Variants in PDE4D observed in about 807,000 individuals in gnomAD.
PDE4D encodes the protein 3',5'-cyclic-AMP phosphodiesterase 4D.
Under a neutral mutation model 87.4 loss-of-function variants are expected in PDE4D, and 24 were observed. The ratio of observed to expected loss-of-function variants is 0.27; its 90% CI spans 0.20 to 0.39. The LOEUF is 0.39. PDE4D is among the 10% of genes least tolerant of loss of function. The pLI, the probability that PDE4D is intolerant of heterozygous loss-of-function variation, is 1.00. For synonymous variants in PDE4D, 384 were observed against 383.2 expected (o/e 1.00, Z -0.02); for missense variants, 714 against 1,041.0 (o/e 0.69, Z 4.32).
chr5:59,131,371 A>G (rs13186012), intron 5 of PDE4D, among the ~76,000 whole-genome samples: 25,451 of 152,028 alleles, frequency 0.17, 2,192 homozygotes, highest in African/African-American at 0.19. Flanking sequence ...ACTGATACAC[A>G]AGTACTAGTG....
Position 60,087,137 on chromosome 5 carries a change from A to G in PDE4D, c.42+98420T>C, listed in dbSNP as rs180898178. On this transcript the variant is annotated intron_variant, in intron 2 of 16. Transcript: ENST00000502484. ...CACTATAAAACATCCCCAGAGTGGGAAACAATGGCAGGGCAACAAGTTAGT... is the reference window on the plus strand; with the variant it reads ...CACTATAAAACATCCCCAGAGTGGGGAACAATGGCAGGGCAACAAGTTAGT... Among the ~76,000 whole-genome samples the G allele has an allele frequency of 2.4e-3, 365 of 152,368 alleles. 2 individuals carry two copies. Among genetic ancestry groups the G allele is most frequent in the African/African-American group, 8.1e-3 (336 of 41,584 alleles).
intron 1 of PDE4D, among the ~76,000 whole-genome samples, chr5:59,359,581 C>T (rs938013957): frequency 1.3e-5 from 2 of 151,972 alleles, no homozygotes; most frequent in African/African-American, 2.4e-5. Flanking sequence ...ATTTCACAGA[C>T]ATGAGAATTT....
intron 1 of PDE4D, among the ~76,000 whole-genome samples, chr5:59,769,074 C>T (rs1359640901): frequency 1.4e-5 from 2 of 145,870 alleles, no homozygotes; most frequent in Non-Finnish European, 3.1e-5. Flanking sequence ...GTTTTTTTCT[C>T]TCTTTTTTTT....
intron 1 of PDE4D, among the ~76,000 whole-genome samples, chr5:59,728,458 C>T (rs1209175499): frequency 6.6e-6 from 1 of 152,034 alleles, no homozygotes; most frequent in Non-Finnish European, 1.5e-5. Flanking sequence ...CCTTTTCTCT[C>T]CTTTCAAGTT....
intron 3 of PDE4D, among the ~76,000 whole-genome samples, chr5:59,936,324 C>T (rs1756575301): frequency 6.6e-6 from 1 of 151,854 alleles, no homozygotes; most frequent in East Asian, 1.9e-4. Flanking sequence ...AACTAACCTG[C>T]ATGTTGTGCA....
chr5:60,374,279 A>C (rs1451373174), intron 1 of PDE4D, among the ~76,000 whole-genome samples: 2 of 152,098 alleles, frequency 1.3e-5, no homozygotes, highest in Non-Finnish European at 2.9e-5. Context: ...ACTTTTTGCC[A>C]TCTCTCTCCC....
At chr5:59,188,552 A>T (rs1743447629) in intron 3 of PDE4D, among the ~76,000 whole-genome samples, 1 of 151,242 alleles carries the variant, frequency 6.6e-6, no homozygotes, top group South Asian at 2.1e-4. Flanking sequence ...ATCATAGCCT[A>T]AAAAAAAAGA....
At chr5:59,791,246 C>T (rs1412504867) in intron 1 of PDE4D, among the ~76,000 whole-genome samples, 1 of 152,172 alleles carries the variant, frequency 6.6e-6, no homozygotes, top group African/African-American at 2.4e-5. Flanking sequence ...ATATGTTGTC[C>T]TTGGATGGAG....
intron 1 of PDE4D, among the ~76,000 whole-genome samples, chr5:60,480,457 C>T (rs1360051831): frequency 6.6e-6 from 1 of 151,918 alleles, no homozygotes; most frequent in Non-Finnish European, 1.5e-5. Flanking sequence ...TATTGTTATC[C>T]CATTTTCCAG....
chr5:60,506,708 G>A (rs1043685828), intron 1 of PDE4D, among the ~76,000 whole-genome samples: 5 of 152,040 alleles, frequency 3.3e-5, no homozygotes, highest in African/African-American at 1.2e-4. Context: ...GGGAAGAGAA[G>A]GGCTTGTAAT....
intron 2 of PDE4D, among the ~76,000 whole-genome samples, chr5:59,203,874 T>C (rs1272081784): frequency 6.6e-6 from 1 of 152,048 alleles, no homozygotes; most frequent in African/African-American, 2.4e-5. Context: ...GGATGTGGAA[T>C]GGGAGATGTT....
In PDE4D at chr5:59,803,955, A is replaced by G. The variant is rs139453156; in HGVS notation, c.455+89213T>C. Among the ~76,000 whole-genome samples, 436 of 152,308 alleles carry G rather than the reference A, an allele frequency of 2.9e-3. 7 individuals are homozygous for G. Among genetic ancestry groups the G allele is most frequent in the Middle Eastern group, 6.8e-3 (2 of 294 alleles). ...AAAAATAGTTACAAACTTGTATTTT[A>G]TATATAGCTTATAATATTTTAGACT... On this transcript the variant is annotated intron_variant, in intron 1 of 14. Coordinates refer to ENST00000340635, the MANE Select transcript of PDE4D (RefSeq NM_001104631.2).
intron 1 of PDE4D, among the ~76,000 whole-genome samples, chr5:59,486,367 C>G (rs1025024122): frequency 6.6e-5 from 10 of 152,232 alleles, no homozygotes; most frequent in South Asian, 2.1e-4. Flanking sequence ...ATAGAAGAAG[C>G]TTTTGGATAT....
intron 1 of PDE4D, among the ~76,000 whole-genome samples, chr5:60,463,226 C>A (rs145626932): frequency 6.6e-6 from 1 of 152,170 alleles, no homozygotes; most frequent in African/African-American, 2.4e-5. Flanking sequence ...GCAATCCAGA[C>A]GTGCACACCC....
At chr5:59,330,591 T>C (rs774070555) in intron 1 of PDE4D, among the ~76,000 whole-genome samples, 12 of 152,230 alleles carry the variant, frequency 7.9e-5, no homozygotes, top group Non-Finnish European at 1.8e-4. Context: ...TCTGACTTAC[T>C]GGTTTGCCTC....
chr5:60,447,708 C>G (rs548187392), intron 1 of PDE4D, among the ~76,000 whole-genome samples: 1 of 152,180 alleles, frequency 6.6e-6, no homozygotes, highest in East Asian at 1.9e-4. Flanking sequence ...ATTTGCCACT[C>G]TGTTTTATTT....
At chr5:59,171,551 T>A (rs1251052372) in intron 5 of PDE4D, among the ~76,000 whole-genome samples, 16 of 152,070 alleles carry the variant, frequency 1.1e-4, no homozygotes, top group Non-Finnish European at 5.9e-5. Flanking sequence ...CTCTGGAGCA[T>A]CCTGTTCAGT....
chr5:60,173,424 A>C (rs1416720750), intron 2 of PDE4D, among the ~76,000 whole-genome samples: 2 of 152,130 alleles, frequency 1.3e-5, no homozygotes, highest in Non-Finnish European at 2.9e-5. Flanking sequence ...CTTATTAGTC[A>C]CATTAACACA....
intron 1 of PDE4D, among the ~76,000 whole-genome samples, chr5:59,567,553 A>C (rs967765558): frequency 2.0e-5 from 3 of 152,224 alleles, no homozygotes; most frequent in African/African-American, 7.2e-5. Context: ...TGACTATATC[A>C]ATTTTTATGT....
Sources: gnomAD v4.1 joint callset for allele counts (sites outside exome capture counted in the v4.1 genomes callset) on GRCh38, gnomAD v4.1.1 for gene constraint, MANE v1.5 for transcripts, NCBI Gene and HGNC (gene_info 2026-07-23, HGNC 2026-07-21) for gene names.